PLXNA4: variants seen among roughly 807,000 people sequenced by gnomAD.
PLXNA4 encodes the protein plexin A4.
A neutral mutation model predicts 191.8 loss-of-function variants in PLXNA4; 44 were observed. The ratio of observed to expected loss-of-function variants is 0.23; its 90% CI spans 0.18 to 0.29. The LOEUF (loss-of-function observed/expected upper bound fraction) is 0.29. Among genes scored for constraint, PLXNA4 ranks in the 10% least tolerant of loss-of-function variants. PLXNA4 has a pLI of 1.00. For missense variants in PLXNA4, 1,800 were observed against 2,488.8 expected (o/e 0.72, Z 5.89); for synonymous variants, 1,082 against 1,009.5 (o/e 1.07, Z -1.36).
chr7:132,403,132 G>A (rs914566956), intron 3 of PLXNA4, among the ~76,000 whole-genome samples: 1 of 152,184 alleles, frequency 6.6e-6, no homozygotes, highest in African/African-American at 2.4e-5. Flanking sequence ...CTTGGAGCAG[G>A]AAGATGAGAG....
chr7:132,208,059 CCT>C (rs1256835709), intron 10 of PLXNA4, among the ~76,000 whole-genome samples: 1 of 152,148 alleles, frequency 6.6e-6, no homozygotes, highest in African/African-American at 2.4e-5. Context: ...CTGATGGTAC[CCT>C]GTTTTCTGTA....
intron 4 of PLXNA4, among the ~76,000 whole-genome samples, chr7:132,269,390 A>G (rs999565939): frequency 1.0e-5 from 1 of 98,820 alleles, no homozygotes; most frequent in African/African-American, 4.0e-5. Flanking sequence ...CTGCCCTCCC[A>G]TGACGACAGC....
intron 2 of PLXNA4, among the ~76,000 whole-genome samples, chr7:132,608,856 C>G (rs1802992274): frequency 6.6e-6 from 1 of 152,178 alleles, no homozygotes; most frequent in Admixed American, 6.5e-5. Context: ...GGACCACATT[C>G]AAACTCAGAA....
At chr7:132,390,377 T>C (rs878946880) in intron 3 of PLXNA4, among the ~76,000 whole-genome samples, 1 of 151,012 alleles carries the variant, frequency 6.6e-6, no homozygotes, top group Admixed American at 6.6e-5. Context: ...TGAGAACACA[T>C]GGACACAGGG....
At chr7:132,228,495 C>A (rs769537177) in intron 5 of PLXNA4, 26 bp from the exon 6 acceptor site, 1 of 1,613,244 alleles carries the variant, frequency 6.2e-7, no homozygotes, top group Non-Finnish European at 8.5e-7. Flanking sequence ...CCTCGAGTTA[C>A]TCAGGAGATG....
chr7:132,265,374 T>C (rs1171092705), intron 4 of PLXNA4, among the ~76,000 whole-genome samples: 1 of 152,212 alleles, frequency 6.6e-6, no homozygotes, highest in Non-Finnish European at 1.5e-5. Flanking sequence ...TGTGCTATAT[T>C]GGTCAGGTCA....
Position 132,146,563 on chromosome 7 carries a change from G to A in PLXNA4, c.5002C>T (p.Arg1668Trp), listed in dbSNP as rs1218616402. Residue 1668 changes from arginine (R) to tryptophan (W), a missense_variant, in exon 28 of 32, where the codon CGG becomes TGG. Around this residue, in one of 6 missense-constraint regions of PLXNA4, gnomAD observed 214 missense variants for 298.2 expected, o/e 0.72. Coordinates refer to ENST00000321063, the MANE Select transcript of PLXNA4 (RefSeq NM_020911.2). ...ATTTCAGACACCATCTTGCTCCCCC[G>A]GTCCCCCTCCTTCTGGTCTCCGTGC... ...HEHGDQKEGD[R>W]GSKMVSEIYL... The A allele has an allele frequency of 3.1e-6, 5 of 1,614,050 alleles. No homozygotes were observed. The highest frequency in any genetic ancestry group is 4.2e-6 in the Non-Finnish European group (5 of 1,180,000).
intron 2 of PLXNA4, among the ~76,000 whole-genome samples, chr7:132,505,241 T>C (rs750278915): frequency 1.2e-4 from 18 of 152,198 alleles, no homozygotes; most frequent in Non-Finnish European, 4.4e-5. Flanking sequence ...CCCTCTATTC[T>C]CTCCAAGGCT....
chr7:132,268,344 C>A (rs1246378530), intron 4 of PLXNA4, among the ~76,000 whole-genome samples: 2 of 152,226 alleles, frequency 1.3e-5, no homozygotes, highest in Non-Finnish European at 2.9e-5. Context: ...AACTACAGCA[C>A]CATGGAAATA....
intron 3 of PLXNA4, among the ~76,000 whole-genome samples, chr7:132,389,756 T>C (rs1805320209): frequency 6.6e-6 from 1 of 152,236 alleles, no homozygotes; most frequent in African/African-American, 2.4e-5. Flanking sequence ...TGTGGGCTCT[T>C]TTTTGATTCC....
intron 6 of PLXNA4, among the ~76,000 whole-genome samples, chr7:132,227,843 C>A (rs1798381767): frequency 6.6e-6 from 1 of 152,164 alleles, no homozygotes; most frequent in African/African-American, 2.4e-5. Context: ...GGATTTGGCC[C>A]CAGGAAACAA....
chr7:132,567,118 G>T (rs1801765925), intron 1 of PLXNA4, among the ~76,000 whole-genome samples: 1 of 152,128 alleles, frequency 6.6e-6, no homozygotes, highest in Non-Finnish European at 1.5e-5. Context: ...AGTGGGCAAA[G>T]AATAAATAGG....
At chr7:132,620,682 A>T (rs1203777415) in intron 2 of PLXNA4, among the ~76,000 whole-genome samples, 1 of 152,154 alleles carries the variant, frequency 6.6e-6, no homozygotes, top group Non-Finnish European at 1.5e-5. Context: ...TATTTCTATA[A>T]ATGATGTAAT....
intron 1 of PLXNA4, among the ~76,000 whole-genome samples, chr7:132,520,222 C>A (rs1305088352): frequency 1.3e-5 from 2 of 152,220 alleles, no homozygotes; most frequent in Admixed American, 1.3e-4. Context: ...TTGAATTCCA[C>A]AGTCTGCCCT....
chr7:132,413,571 C>T (rs1181091330), intron 3 of PLXNA4, among the ~76,000 whole-genome samples: 1 of 152,178 alleles, frequency 6.6e-6, no homozygotes, highest in African/African-American at 2.4e-5. Context: ...CAGAGCAAAA[C>T]ACAATGGAAA....
At chr7:132,553,332 A>G (rs1233350523) in intron 1 of PLXNA4, among the ~76,000 whole-genome samples, 1 of 152,152 alleles carries the variant, frequency 6.6e-6, no homozygotes, top group African/African-American at 2.4e-5. Flanking sequence ...ATTACTGCGA[A>G]TGGTATTTTG....
intron 2 of PLXNA4, among the ~76,000 whole-genome samples, chr7:132,636,914 A>G (rs1397317625): frequency 6.6e-6 from 1 of 152,154 alleles, no homozygotes; most frequent in Non-Finnish European, 1.5e-5. Context: ...AGGATGCAGG[A>G]GGTGGGGAGG....
intron 2 of PLXNA4, among the ~76,000 whole-genome samples, chr7:132,628,215 G>T (rs557002778): frequency 6.6e-6 from 1 of 152,232 alleles, no homozygotes; most frequent in East Asian, 1.9e-4. Context: ...TAAAATTCTA[G>T]GTTCAAAAGC....
chr7:132,408,448 C>CTTTA lies in PLXNA4; in HGVS notation c.1371+80840_1371+80843dup, dbSNP rs55684832. On this transcript the variant is annotated intron_variant, in intron 3 of 31. Coordinates refer to ENST00000321063, the MANE Select transcript of PLXNA4 (RefSeq NM_020911.2). ...TTTTTTAGCTTTGAACACAAAAACACTTTATTTATTTATTTATTTATTTAT... is the reference window on the plus strand; with the variant it reads ...TTTTTTAGCTTTGAACACAAAAACACTTTATTTATTTATTTATTTATTTATTTAT... Among the ~76,000 whole-genome samples, 1,475 of 149,496 alleles carry CTTTA rather than the reference C, an allele frequency of 9.9e-3. 9 individuals carry two copies. Among genetic ancestry groups the CTTTA allele is most frequent in the South Asian group, 0.039 (184 of 4,714 alleles).
Sources: allele counts gnomAD v4.1 joint callset (sites outside exome capture counted in the v4.1 genomes callset), GRCh38; gene constraint gnomAD v4.1.1; regional missense constraint gnomAD v4.1.1; transcripts MANE v1.5; gene names NCBI Gene and HGNC (gene_info 2026-07-23, HGNC 2026-07-21).